The following ITPRID1 variants were observed in gnomAD, a reference collection of about 807,000 sequenced individuals.
The protein encoded by ITPRID1 is protein ITPRID1.
A neutral mutation model predicts 95.4 loss-of-function variants in ITPRID1; 96 were observed. The observed-to-expected ratio is 1.01, with a 90% CI of 0.85 to 1.19. ITPRID1 has a LOEUF of 1.19. Ranked by LOEUF, ITPRID1 falls within the 50% of genes most tolerant of loss-of-function variation. The pLI is 0.00. For missense variants in ITPRID1, 1,339 were observed against 1,252.9 expected (o/e 1.07, Z -1.04); for synonymous variants, 510 against 453.6 (o/e 1.12, Z -1.58).
Position 31,620,497 on chromosome 7 carries a change from C to G in ITPRID1, c.1229-21679C>G, listed in dbSNP as rs1381484096. 4.0e-5 allele frequency among the ~76,000 whole-genome samples: 6 copies of G among 150,560 alleles called. No individual in the cohort carries two copies. The East Asian group carries it at 1.2e-3, about 30-fold the overall frequency. ...ACACCACTGCTGATACCCAGGCAAACAGGGTCTGGAGTGGACCTCTAGCAA... is the reference window on the plus strand; with the variant it reads ...ACACCACTGCTGATACCCAGGCAAAGAGGGTCTGGAGTGGACCTCTAGCAA... On this transcript the variant is annotated intron_variant, in intron 10 of 14. Transcript: ENST00000615280.
At chr7:31,646,715 C>T (rs1206065103) in intron 12 of ITPRID1, among the ~76,000 whole-genome samples, 1 of 152,092 alleles carries the variant, frequency 6.6e-6, no homozygotes, top group East Asian at 1.9e-4. Context: ...CTGCAGAAAA[C>T]AGGGAGGTTT....
intron 10 of ITPRID1, among the ~76,000 whole-genome samples, chr7:31,618,106 C>T (rs1787443416): frequency 3.3e-5 from 5 of 152,154 alleles, no homozygotes; most frequent in Admixed American, 2.6e-4. Flanking sequence ...AACCTTAAAG[C>T]CCTCTTGGTG....
intron 10 of ITPRID1, among the ~76,000 whole-genome samples, chr7:31,611,373 A>G (rs1015221150): frequency 6.6e-6 from 1 of 151,848 alleles, no homozygotes; most frequent in East Asian, 1.9e-4. Context: ...ATTACAAGCA[A>G]AAATACATTT....
intron 1 of ITPRID1, chr7:31,529,857 T>C (rs974335768): frequency 8.0e-6 from 12 of 1,502,496 alleles, no homozygotes; most frequent in Admixed American, 2.0e-5. Flanking sequence ...TTTTTTTCTT[T>C]TAATCCAGCC....
chr7:31,648,932 A>G (rs1316806876), intron 12 of ITPRID1, among the ~76,000 whole-genome samples: 2 of 152,244 alleles, frequency 1.3e-5, no homozygotes, highest in Non-Finnish European at 2.9e-5. Flanking sequence ...ATTCTATGTC[A>G]GAACACGTAT....
chr7:31,550,561 A>G (rs895623922), intron 2 of ITPRID1, among the ~76,000 whole-genome samples: 2 of 152,156 alleles, frequency 1.3e-5, no homozygotes, highest in African/African-American at 4.8e-5. Flanking sequence ...GGGTCAAGTA[A>G]GTGAATGCCA....
intron 9 of ITPRID1, among the ~76,000 whole-genome samples, 195 bp from the exon 10 acceptor site, chr7:31,582,939 C>T (rs1434467634): frequency 1.3e-5 from 2 of 152,144 alleles, no homozygotes; most frequent in Non-Finnish European, 2.9e-5. Flanking sequence ...TGTGATCTTC[C>T]CCTTTCCTCA....
intron 10 of ITPRID1, among the ~76,000 whole-genome samples, chr7:31,620,264 C>T (rs1181728072): frequency 6.6e-6 from 1 of 151,976 alleles, no homozygotes; most frequent in Admixed American, 6.6e-5. Flanking sequence ...AGTGGTTCTC[C>T]CAGCATGCAG....
Position 31,569,775 on chromosome 7 carries a change from G to T in ITPRID1, c.274G>T (p.Gly92Trp). 6.3e-7 allele frequency: 1 copy of T among 1,586,902 alleles called. No homozygotes were observed. ...IDRTVSLYEQ[G>W]MVQMTVKDYM... ...TGTTGCAGTTTCTTTGTATGAACAA[G>T]GGATGGTTCAAATGACTGTGAAAGA... is the stretch of plus-strand genomic sequence containing the variant. The change falls in exon 6 of 15, where the codon GGG becomes TGG. Residue 92 changes from glycine to tryptophan, a missense_variant. Physicochemically the swap from Gly to Trp is radical, Grantham distance 184. Coordinates refer to ENST00000615280, the MANE Select transcript of ITPRID1 (RefSeq NM_001257967.3).
At chr7:31,532,778 T>C (rs1489373303) in intron 1 of ITPRID1, among the ~76,000 whole-genome samples, 1 of 152,182 alleles carries the variant, frequency 6.6e-6, no homozygotes, top group Non-Finnish European at 1.5e-5. Flanking sequence ...GCCAAGCAAG[T>C]TGGCCACTTC....
Position 31,578,326 on chromosome 7 carries a change from G to A in ITPRID1, c.1062G>A (p.Glu354=). The change falls in exon 9 of 15, where the codon GAG becomes GAA. Residue 354 remains glutamate, a synonymous_variant. Coordinates refer to ENST00000615280, the MANE Select transcript of ITPRID1 (RefSeq NM_001257967.3). Reference sequence around the variant, plus strand: ...AGGCTCCTCCTTCCTGTGTGTCTGAGGGGTCAGTCAAGGGCAGAACTCAGA... The same window carrying A: ...AGGCTCCTCCTTCCTGTGTGTCTGAAGGGTCAGTCAAGGGCAGAACTCAGA... The part of the protein sequence containing the change: ...AKQAPPSCVS[E]GSVKGRTQKE... The A allele has an allele frequency of 6.2e-7, 1 of 1,613,858 alleles. No homozygotes were observed. Among genetic ancestry groups the A allele is most frequent in the Non-Finnish European group, 8.5e-7 (1 of 1,179,842 alleles).
intron 6 of ITPRID1, among the ~76,000 whole-genome samples, chr7:31,570,683 G>A (rs1784954800): frequency 6.6e-6 from 1 of 152,160 alleles, no homozygotes; most frequent in Non-Finnish European, 1.5e-5. Context: ...TTGTTGAAGA[G>A]GAAAATGAGA....
chr7:31,593,200 G>A (rs561067525), intron 10 of ITPRID1, among the ~76,000 whole-genome samples: 15 of 152,196 alleles, frequency 9.9e-5, no homozygotes, highest in African/African-American at 3.1e-4. Context: ...AGCTACTCGG[G>A]AGGCTGAGGC....
chr7:31,627,570 A>T (rs1031289354), intron 10 of ITPRID1, among the ~76,000 whole-genome samples: 1 of 143,352 alleles, frequency 7.0e-6, no homozygotes, highest in African/African-American at 2.5e-5. Context: ...AGGCAGGAGG[A>T]TTGCTTGAGC....
In ITPRID1 at chr7:31,620,386, C is replaced by CG. The variant is rs563234633; in HGVS notation, c.1229-21788dup. Among the ~76,000 whole-genome samples, 538 of 151,972 alleles carry CG rather than the reference C, an allele frequency of 3.5e-3. 1 individual carries two copies. The highest frequency in any genetic ancestry group is 6.1e-3 in the Non-Finnish European group (414 of 67,976). On this transcript the variant is annotated intron_variant, in intron 10 of 14. Coordinates refer to ENST00000615280, the MANE Select transcript of ITPRID1 (RefSeq NM_001257967.3). ...AGTAGGGGCAGATTGACACCTCACACGGCCGGGTACTCCTCTGAGACAAAA... is the reference window on the plus strand; with the variant it reads ...AGTAGGGGCAGATTGACACCTCACACGGGCCGGGTACTCCTCTGAGACAAAA...
chr7:31,642,185 T>C lies in ITPRID1; in HGVS notation c.1238T>C (p.Val413Ala). 6.4e-7 allele frequency: 1 copy of C among 1,559,816 alleles called. No homozygotes were observed. The change falls in exon 11 of 15, where the codon GTG becomes GCG. Residue 413 changes from valine (V) to alanine (A), a missense_variant. Val to Ala is a moderately conservative substitution (Grantham distance 64). Transcript: ENST00000615280. ...CTCTTTCATTCTGCAGGTGCCAGGG[T>C]GGACAGAGCAAATAGCTGCCAGTCT... ...DMTSGTVGAR[V>A]DRANSCQSDS...
At chr7:31,587,152 G>C (rs1037578419) in intron 10 of ITPRID1, among the ~76,000 whole-genome samples, 6 of 152,182 alleles carry the variant, frequency 3.9e-5, no homozygotes, top group African/African-American at 1.4e-4. Flanking sequence ...AATTAGGCAG[G>C]AGAAGGAAAT....
intron 10 of ITPRID1, among the ~76,000 whole-genome samples, chr7:31,636,912 T>A (rs1789544250): frequency 8.5e-6 from 1 of 117,574 alleles, no homozygotes; most frequent in African/African-American, 3.3e-5. Flanking sequence ...CAGTCCCTGG[T>A]GTGTGATGTT....
intron 10 of ITPRID1, among the ~76,000 whole-genome samples, chr7:31,592,011 A>C (rs1785886872): frequency 6.6e-6 from 1 of 152,246 alleles, no homozygotes; most frequent in South Asian, 2.1e-4. Flanking sequence ...AAAAATTTCA[A>C]ATATCTCATT....
Sources: allele counts gnomAD v4.1 joint callset (sites outside exome capture counted in the v4.1 genomes callset), GRCh38; gene constraint gnomAD v4.1.1; transcripts MANE v1.5; gene names NCBI Gene and HGNC (gene_info 2026-07-23, HGNC 2026-07-21).